INSYN2B: variants seen among roughly 807,000 people sequenced by gnomAD.
INSYN2B encodes the protein protein INSYN2B.
In INSYN2B, 16 loss-of-function variants were observed where a neutral mutation model predicts 41.2. The ratio of observed to expected loss-of-function variants is 0.39; its 90% CI spans 0.26 to 0.59. The LOEUF (loss-of-function observed/expected upper bound fraction) is 0.59, where lower values mean the gene tolerates loss of function less well. Among genes scored for constraint, INSYN2B ranks in the 20% least tolerant of loss-of-function variants. The pLI is 0.57. For synonymous variants in INSYN2B, 245 were observed against 244.4 expected (o/e 1.00, Z -0.02); for missense variants, 608 against 646.4 (o/e 0.94, Z 0.64).
intron 1 of INSYN2B, among the ~76,000 whole-genome samples, chr5:169,904,235 A>G (rs261050): frequency 0.48 from 73,393 of 152,032 alleles, 19,034 homozygotes; most frequent in African/African-American, 0.69. Flanking sequence ...TTCCCAAGAG[A>G]CAGTACTGCT....
At chr5:169,956,969 T>G (rs1296205477) in intron 1 of INSYN2B, among the ~76,000 whole-genome samples, 1 of 152,084 alleles carries the variant, frequency 6.6e-6, no homozygotes, top group Non-Finnish European at 1.5e-5. Flanking sequence ...GTCTCAATCA[T>G]GAACACCAGG....
At chr5:169,882,392 C>A (rs571935023) in intron 2 of INSYN2B, among the ~76,000 whole-genome samples, 161 bp downstream of exon 2, 85 of 152,062 alleles carry the variant, frequency 5.6e-4, no homozygotes, top group Non-Finnish European at 9.7e-4. Context: ...AATGAAATTC[C>A]ATTAGAGAAA....
At chr5:169,919,754 G>C (rs149492617) in intron 1 of INSYN2B, among the ~76,000 whole-genome samples, 3 of 152,086 alleles carry the variant, frequency 2.0e-5, no homozygotes, top group Non-Finnish European at 4.4e-5. Context: ...CTGCTAATGT[G>C]GGGGCAACTG....
chr5:169,896,071 G>C (rs1227891914), intron 1 of INSYN2B, among the ~76,000 whole-genome samples: 1 of 152,076 alleles, frequency 6.6e-6, no homozygotes, highest in Admixed American at 6.5e-5. Flanking sequence ...CTGTTTCCCA[G>C]TCCCATGTCT....
chr5:169,975,229 C>T (rs1777674511), intron 1 of INSYN2B, among the ~76,000 whole-genome samples: 1 of 152,224 alleles, frequency 6.6e-6, no homozygotes. Flanking sequence ...GTGCTTTTCA[C>T]AAACTCCTGA....
intron 1 of INSYN2B, among the ~76,000 whole-genome samples, chr5:169,941,633 T>C (rs1776251449): frequency 1.3e-5 from 2 of 152,154 alleles, no homozygotes; most frequent in African/African-American, 4.8e-5. Flanking sequence ...TTGATTAAAC[T>C]AAGAGCTGTG....
At chr5:169,866,195 G>T (rs964404610) in intron 3 of INSYN2B, among the ~76,000 whole-genome samples, 1 of 152,270 alleles carries the variant, frequency 6.6e-6, no homozygotes. Flanking sequence ...TTTCATCCAG[G>T]CTTGCTTCTC....
intron 3 of INSYN2B, among the ~76,000 whole-genome samples, chr5:169,880,682 C>G (rs1772590007): frequency 6.6e-6 from 1 of 152,100 alleles, no homozygotes; most frequent in South Asian, 2.1e-4. Flanking sequence ...GTCTTCATGG[C>G]AACTCTGAAT....
intron 1 of INSYN2B, among the ~76,000 whole-genome samples, chr5:169,951,711 A>G (rs116173094): frequency 0.019 from 2,941 of 152,360 alleles, 45 homozygotes; most frequent in Non-Finnish European, 0.031. Flanking sequence ...ATACACAAAC[A>G]TATGTATAGC....
rs543486807 is a variant in INSYN2B at position 169,976,672 on chromosome 5, A to AAATGAAGAGTGTGTAATG, written c.-919+3587_-919+3604dup. On this transcript the variant is annotated intron_variant, in intron 1 of 3. Coordinates refer to ENST00000377365, the MANE Select transcript of INSYN2B (RefSeq NM_001129891.3). Reference sequence around the variant, plus strand: ...ACCAGGATCAGAAGGTGTTAGTTTCAAATGAAGAGTGTGTAATGAATTCAG... The same window carrying AAATGAAGAGTGTGTAATG: ...ACCAGGATCAGAAGGTGTTAGTTTCAAATGAAGAGTGTGTAATGAATGAAGAGTGTGTAATGAATTCAG... Among the ~76,000 whole-genome samples the AAATGAAGAGTGTGTAATG allele has an allele frequency of 2.7e-3, 418 of 152,346 alleles. 2 individuals carry two copies. The highest frequency in any genetic ancestry group is 0.01 in the Middle Eastern group (3 of 294).
chr5:169,917,583 G>A (rs1774945078), intron 1 of INSYN2B, among the ~76,000 whole-genome samples: 1 of 152,198 alleles, frequency 6.6e-6, no homozygotes, highest in African/African-American at 2.4e-5. Flanking sequence ...AATGTTGTTT[G>A]TTGATGATTT....
chr5:169,972,586 TGATAGATAGATAGATA>T (rs1554122914), intron 1 of INSYN2B, among the ~76,000 whole-genome samples: 2 of 68,956 alleles, frequency 2.9e-5, no homozygotes, highest in African/African-American at 1.4e-4. Context: ...GATAGATAGA[TGATAGATAGATAGATA>T]GATAGATAGA....
At chr5:169,979,678 C>T (rs1309209464) in intron 1 of INSYN2B, among the ~76,000 whole-genome samples, 1 of 152,126 alleles carries the variant, frequency 6.6e-6, no homozygotes, top group Non-Finnish European at 1.5e-5. Context: ...TCATTAACAG[C>T]CAAATGCAGG....
chr5:169,910,840 A>T (rs1032708748), intron 1 of INSYN2B, among the ~76,000 whole-genome samples: 1 of 152,192 alleles, frequency 6.6e-6, no homozygotes, highest in Non-Finnish European at 1.5e-5. Flanking sequence ...TCCAGCCCCC[A>T]GTAGGCTCTC....
At chr5:169,961,180 G>A (rs1777072061) in intron 1 of INSYN2B, among the ~76,000 whole-genome samples, 1 of 152,194 alleles carries the variant, frequency 6.6e-6, no homozygotes, top group Admixed American at 6.5e-5. Context: ...CCATAGATGA[G>A]GGGGCATAAA....
At chr5:169,895,630 G>A (rs982409051) in intron 1 of INSYN2B, among the ~76,000 whole-genome samples, 6 of 151,762 alleles carry the variant, frequency 4.0e-5, no homozygotes, top group South Asian at 2.1e-4. Flanking sequence ...TTCCCTCCAC[G>A]TTACCTATTG....
intron 3 of INSYN2B, among the ~76,000 whole-genome samples, chr5:169,870,516 C>G (rs2113454555): frequency 6.6e-6 from 1 of 152,076 alleles, no homozygotes; most frequent in South Asian, 2.1e-4. Flanking sequence ...ATAACAGAAG[C>G]CTCTCAGTTG....
At chr5:169,935,693 A>G (rs776584859) in intron 1 of INSYN2B, among the ~76,000 whole-genome samples, 6 of 152,150 alleles carry the variant, frequency 3.9e-5, no homozygotes, top group Non-Finnish European at 5.9e-5. Flanking sequence ...TCACTGTGCT[A>G]TTTTGCTTAG....
rs770587214 is a variant in INSYN2B at position 169,896,585 on chromosome 5, G to A, written c.-918-11769C>T. 4.6e-5 allele frequency among the ~76,000 whole-genome samples: 7 copies of A among 152,162 alleles called. No homozygotes were observed. In the East Asian group the frequency reaches 5.8e-4, roughly 13 times the overall value. ...ACACTCATAAATCTTTCAGAAAAGCGCCTGTCAGGCTGGAACCACTTAATA... is the reference window on the plus strand; with the variant it reads ...ACACTCATAAATCTTTCAGAAAAGCACCTGTCAGGCTGGAACCACTTAATA... On this transcript the variant is annotated intron_variant, in intron 1 of 3. Transcript: ENST00000377365.
Sources: gnomAD v4.1 joint callset for allele counts (sites outside exome capture counted in the v4.1 genomes callset) on GRCh38, gnomAD v4.1.1 for gene constraint, MANE v1.5 for transcripts, NCBI Gene and HGNC (gene_info 2026-07-23, HGNC 2026-07-21) for gene names.